Variants in MBNL2 observed in about 807,000 individuals in gnomAD.
MBNL2 encodes muscleblind like splicing regulator 2.
In MBNL2, 17 loss-of-function variants were observed where a neutral mutation model predicts 41.9. That is an observed-to-expected ratio of 0.41 (90% confidence interval 0.28 to 0.61). MBNL2 has a LOEUF of 0.61. Among genes scored for constraint, MBNL2 ranks in the 20% least tolerant of loss-of-function variants. The pLI, the probability that MBNL2 is intolerant of heterozygous loss-of-function variation, is 0.35. For missense variants in MBNL2, 336 were observed against 505.6 expected (o/e 0.66, Z 3.22); for synonymous variants, 195 against 182.9 (o/e 1.07, Z -0.53).
intron 1 of MBNL2, among the ~76,000 whole-genome samples, chr13:97,261,492 A>AATTT (rs1484569853): frequency 1.6e-4 from 24 of 152,124 alleles, no homozygotes; most frequent in Non-Finnish European, 3.1e-4. Context: ...TGACCTTTGA[A>AATTT]ATTTGGCAGC....
At chr13:97,329,752 C>A (rs1266051996) in intron 2 of MBNL2, among the ~76,000 whole-genome samples, 1 of 56,494 alleles carries the variant, frequency 1.8e-5, no homozygotes, top group Non-Finnish European at 3.5e-5. Context: ...ACCATACATA[C>A]TACACACACA....
the MBNL2 span, among the ~76,000 whole-genome samples, chr13:97,204,462 A>G: frequency 6.6e-6 from 1 of 152,230 alleles, no homozygotes; most frequent in Non-Finnish European, 1.5e-5. Context: ...CTAAGTACAC[A>G]TAAGCTCTTG....
chr13:97,297,333 G>A (rs1016515256), intron 2 of MBNL2, among the ~76,000 whole-genome samples: 6 of 152,146 alleles, frequency 3.9e-5, no homozygotes, highest in Admixed American at 6.5e-5. Flanking sequence ...GCCAACTGCC[G>A]TACAGTATGA....
intron 8 of MBNL2, among the ~76,000 whole-genome samples, chr13:97,380,191 G>A (rs1465361349): frequency 1.3e-5 from 2 of 152,150 alleles, no homozygotes; most frequent in East Asian, 3.9e-4. Flanking sequence ...CTCAACAAAT[G>A]TACGCTAAGA....
intron 1 of MBNL2, among the ~76,000 whole-genome samples, chr13:97,240,342 T>A (rs1236481043): frequency 2.0e-5 from 3 of 152,234 alleles, no homozygotes; most frequent in Non-Finnish European, 4.4e-5. Flanking sequence ...AGTTTTCTTA[T>A]CTTTAAAATG....
At chr13:97,312,067 A>G (rs962373811) in intron 2 of MBNL2, among the ~76,000 whole-genome samples, 3 of 152,246 alleles carry the variant, frequency 2.0e-5, no homozygotes, top group African/African-American at 7.2e-5. Context: ...TTAAAACTTC[A>G]AATCCCCATG....
chr13:97,213,827 C>T, the MBNL2 span, among the ~76,000 whole-genome samples: 3 of 152,262 alleles, frequency 2.0e-5, no homozygotes, highest in South Asian at 2.1e-4. Context: ...CCTTCAGGAA[C>T]GGTATATTGT....
the MBNL2 span, among the ~76,000 whole-genome samples, chr13:97,169,666 T>C: frequency 5.3e-4 from 81 of 152,356 alleles, no homozygotes; most frequent in Non-Finnish European, 8.5e-4. Flanking sequence ...CCAGGGCTTA[T>C]GGTTGTATGG....
chr13:97,329,390 C>T (rs1247622977), intron 2 of MBNL2, among the ~76,000 whole-genome samples: 1 of 152,076 alleles, frequency 6.6e-6, no homozygotes, highest in Non-Finnish European at 1.5e-5. Flanking sequence ...AAGCATAAAT[C>T]TGATCTTGTT....
At chr13:97,281,229 C>G (rs2053348834) in intron 2 of MBNL2, among the ~76,000 whole-genome samples, 2 of 152,314 alleles carry the variant, frequency 1.3e-5, no homozygotes, top group South Asian at 2.1e-4. Flanking sequence ...GCACTGCACT[C>G]TAGGGGTGCC....
At chr13:97,266,367 A>G (rs1243286407) in intron 1 of MBNL2, among the ~76,000 whole-genome samples, 1 of 152,274 alleles carries the variant, frequency 6.6e-6, no homozygotes, top group Non-Finnish European at 1.5e-5. Flanking sequence ...TGCGAAGTCA[A>G]TCGAGTTCTC....
intron 1 of MBNL2, among the ~76,000 whole-genome samples, chr13:97,236,027 G>A (rs1023188554): frequency 6.6e-6 from 1 of 152,316 alleles, no homozygotes; most frequent in African/African-American, 2.4e-5. Flanking sequence ...TGGGGAGGGT[G>A]GAGAAGGGCG....
chr13:97,351,054 C>A (rs2062401187), intron 5 of MBNL2, among the ~76,000 whole-genome samples: 1 of 152,164 alleles, frequency 6.6e-6, no homozygotes, highest in South Asian at 2.1e-4. Context: ...GAAATAACTC[C>A]TTGATCCATG....
the MBNL2 span, among the ~76,000 whole-genome samples, chr13:97,202,684 A>G: frequency 6.6e-6 from 1 of 152,230 alleles, no homozygotes; most frequent in Non-Finnish European, 1.5e-5. Context: ...AAAAATGCTC[A>G]CTAAAGTTTT....
Position 97,391,708 on chromosome 13 carries a change from G to A in MBNL2, c.*259G>A, listed in dbSNP as rs887341774. The A allele has an allele frequency of 7.9e-5, 27 of 341,244 alleles. No individual in the cohort carries two copies. The highest frequency in any genetic ancestry group is 3.2e-4 in the African/African-American group (15 of 46,540). The allele number at this position is 341,244 out of a possible 1,614,324, so 21.1% of individuals were successfully genotyped here. ...AAAGTCCAGCCAGTTTACTCATTTC[G>A]ATTCAGAATATTTCAAATTTAGCAA... On this transcript the variant is annotated 3_prime_UTR_variant, in exon 9 of 9. Coordinates refer to ENST00000679496, the MANE Select transcript of MBNL2 (RefSeq NM_001382683.1).
At chr13:97,144,485 A>C in the MBNL2 span, among the ~76,000 whole-genome samples, 4 of 135,970 alleles carry the variant, frequency 2.9e-5, no homozygotes, top group Non-Finnish European at 6.0e-5. Context: ...GCTGGAGTGC[A>C]ATTGTGTAAT....
intron 7 of MBNL2, among the ~76,000 whole-genome samples, chr13:97,361,915 G>A (rs555767862): frequency 2.6e-4 from 40 of 151,718 alleles, no homozygotes; most frequent in African/African-American, 9.4e-4. Flanking sequence ...GGTTACAAGC[G>A]TCTGCCATCA....
chr13:97,353,039 G>C (rs917674247), intron 5 of MBNL2, among the ~76,000 whole-genome samples: 4 of 152,176 alleles, frequency 2.6e-5, no homozygotes, highest in Non-Finnish European at 5.9e-5. Context: ...GTACTCTTCT[G>C]TGTACCCTTC....
the MBNL2 span, among the ~76,000 whole-genome samples, chr13:97,175,784 T>A: frequency 6.6e-6 from 1 of 151,884 alleles, no homozygotes; most frequent in African/African-American, 2.4e-5. Context: ...GGTACTTATT[T>A]TGCTGCAGTT....
Sources: allele counts gnomAD v4.1 joint callset (sites outside exome capture counted in the v4.1 genomes callset), GRCh38; gene constraint gnomAD v4.1.1; transcripts MANE v1.5; gene names NCBI Gene and HGNC (gene_info 2026-07-23, HGNC 2026-07-21).